The following CABP4 variants were observed in gnomAD, a reference collection of about 807,000 sequenced individuals.
The protein encoded by CABP4 is calcium binding protein 4.
In CABP4, 30 loss-of-function variants were observed where a neutral mutation model predicts 30.7. The observed-to-expected ratio is 0.98, with a 90% CI of 0.73 to 1.33. CABP4 has a LOEUF of 1.33. Among genes scored for constraint, CABP4 ranks in the 40% most tolerant of loss-of-function variants. The pLI is 0.00. For missense variants in CABP4, 424 were observed against 395.5 expected (o/e 1.07, Z -0.61); for synonymous variants, 161 against 159.2 (o/e 1.01, Z -0.08).
intron 1 of CABP4, 184 bp downstream of exon 1, chr11:67,455,973 G>C (rs888054894): frequency 8.6e-7 from 1 of 1,156,270 alleles, no homozygotes; most frequent in Non-Finnish European, 1.2e-6. Context: ...TGGGCGGTGG[G>C]CAGAGCCAGA....
chr11:67,460,509 T>TTA lies in CABP4; in HGVS notation c.*1857_*1858dup, dbSNP rs1554998699. Among the ~76,000 whole-genome samples, 1,346 of 100,068 alleles carry TTA rather than the reference T, an allele frequency of 0.013. 23 individuals carry two copies. The highest frequency in any genetic ancestry group is 0.075 in the African/African-American group (1,240 of 16,498). The allele number at this position is 100,068 out of a possible 152,430, so 65.6% of individuals were successfully genotyped here. ...TTCTGTTAAAAAAATAAAGTATATT[T>TTA]TATATATACACACACACACACACAC... is the stretch of plus-strand genomic sequence containing the variant. On this transcript the variant is annotated 3_prime_UTR_variant, in exon 6 of 6. Coordinates refer to ENST00000325656, the MANE Select transcript of CABP4 (RefSeq NM_145200.5).
chr11:67,455,623 C>G lies in CABP4; in HGVS notation c.200C>G (p.Pro67Arg). ...SSGEQTGPEA[P>R]GSSNNPPSTG... ...GGGGAGCAGACAGGCCCCGAGGCCC[C>G]GGGGAGCAGCAATAACCCTCCCAGC... Residue 67 changes from proline to arginine, a missense_variant, in exon 1 of 6, where the codon CCG becomes CGG. Transcript: ENST00000325656. 2 of 1,608,224 alleles carry G rather than the reference C, an allele frequency of 1.2e-6. No homozygotes were observed. The highest frequency in any genetic ancestry group is 1.7e-6 in the Non-Finnish European group (2 of 1,178,478).
Position 67,459,224 on chromosome 11 carries a change from A to G in CABP4, c.*565A>G, listed in dbSNP as rs1864938387. 6.5e-6 allele frequency: 1 copy of G among 154,580 alleles called. No individual in the cohort carries two copies. The highest frequency in any genetic ancestry group is 2.4e-5 in the African/African-American group (1 of 41,424). The allele number at this position is 154,580 out of a possible 1,614,324, so 9.6% of individuals were successfully genotyped here. ...AGACAAAAAAACAAACAAAAAACCA[A>G]AAAACCCAAGTGTAAAAAAAGTGAG... On this transcript the variant is annotated 3_prime_UTR_variant, in exon 6 of 6. Transcript: ENST00000325656.
intron 4 of CABP4, among the ~76,000 whole-genome samples, chr11:67,457,957 C>T (rs999748243): frequency 1.3e-5 from 2 of 152,084 alleles, no homozygotes; most frequent in African/African-American, 2.4e-5. Context: ...GTACAGGCAG[C>T]GGTAAGAGTG....
At chr11:67,457,798 G>A in intron 4 of CABP4, 116 bp downstream of exon 4, 1 of 817,444 alleles carries the variant, frequency 1.2e-6, no homozygotes, top group Non-Finnish European at 1.9e-6. Flanking sequence ...GTGGGACTGG[G>A]GCCCAGGGAT....
upstream of CABP4, chr11:67,455,304 C>T: frequency 3.6e-6 from 5 of 1,398,752 alleles, no homozygotes; most frequent in Non-Finnish European, 3.8e-6. Context: ...CCTAATCCCC[C>T]TCAGAGCCCG....
At chr11:67,454,565 C>A (rs1027579902), upstream of CABP4, among the ~76,000 whole-genome samples, 1 of 152,204 alleles carries the variant, frequency 6.6e-6, no homozygotes, top group African/African-American at 2.4e-5. Flanking sequence ...GCTGTCCCCC[C>A]GGCCCTCACT....
rs761790186 is a variant in CABP4, at chr11:67,455,527, C to T, written c.104C>T (p.Pro35Leu). The T allele has an allele frequency of 1.9e-6, 3 of 1,603,388 alleles. No homozygotes were observed. The highest frequency in any genetic ancestry group is 2.6e-6 in the Non-Finnish European group (3 of 1,176,218). Reference protein sequence around the residue: ...VVTPKSDAEEPPLTRKRSKKE... With the variant: ...VVTPKSDAEELPLTRKRSKKE... Reference sequence around the variant, plus strand: ...ACTCCCAAGAGTGATGCAGAGGAGCCCCCGTTGACCAGGAAGAGGAGCAAG... The same window carrying T: ...ACTCCCAAGAGTGATGCAGAGGAGCTCCCGTTGACCAGGAAGAGGAGCAAG... Residue 35 changes from proline (P) to leucine (L), a missense_variant, in exon 1 of 6, where the codon CCC becomes CTC. Pro to Leu is a moderately conservative substitution (Grantham distance 98). Coordinates refer to ENST00000325656, the MANE Select transcript of CABP4 (RefSeq NM_145200.5).
At position 67,455,655 on chromosome 11, in the gene CABP4, G is replaced by A. The variant is rs768425989; in HGVS notation, c.232G>A (p.Glu78Lys). 3 of 1,610,352 alleles carry A rather than the reference G, an allele frequency of 1.9e-6. No homozygotes were observed. The highest frequency in any genetic ancestry group is 1.7e-6 in the Non-Finnish European group (2 of 1,179,364). ...GSSNNPPSTG[E>K]GPAGAPPASP... ...CAGCAATAACCCTCCCAGCACTGGA[G>A]AGGGGCCGGCGGGCGCACCCCCTGC... Residue 78 changes from glutamate (E) to lysine (K), a missense_variant, in exon 1 of 6, where the codon GAG becomes AAG. Glu to Lys is a moderately conservative substitution (Grantham distance 56, BLOSUM62 1). Coordinates refer to ENST00000325656, the MANE Select transcript of CABP4 (RefSeq NM_145200.5).
rs886048566 is a variant in CABP4, at chr11:67,460,486, C to T, written c.*1827C>T. ...AAAAGAAAAAAACAAACCATGGCTTCTGTTAAAAAAATAAAGTATATTTTA... is the reference window on the plus strand; with the variant it reads ...AAAAGAAAAAAACAAACCATGGCTTTTGTTAAAAAAATAAAGTATATTTTA... On this transcript the variant is annotated 3_prime_UTR_variant, in exon 6 of 6. Transcript: ENST00000325656. Among the ~76,000 whole-genome samples, 2 of 149,298 alleles carry T rather than the reference C, an allele frequency of 1.3e-5. No homozygotes were observed. Among genetic ancestry groups the T allele is most frequent in the Non-Finnish European group, 3.0e-5 (2 of 67,456 alleles).
intron 3 of CABP4, among the ~76,000 whole-genome samples, chr11:67,457,243 C>G (rs748854057): frequency 2.0e-5 from 3 of 152,172 alleles, no homozygotes; most frequent in African/African-American, 7.2e-5. Context: ...AGGCTCCTCA[C>G]CCTGCTCCTA....
Position 67,458,731 on chromosome 11 carries a change from C to T in CABP4, c.*72C>T, listed in dbSNP as rs1481119889. On this transcript the variant is annotated 3_prime_UTR_variant, in exon 6 of 6. Transcript: ENST00000325656. ...CCAGACCCAGGCTGCAGGCCTCCCC[C>T]AGGAGCCTCCAGGATGGAGATGGAG... The T allele has an allele frequency of 5.1e-6, 8 of 1,575,726 alleles. No homozygotes were observed. Among genetic ancestry groups the T allele is most frequent in the African/African-American group, 1.3e-5 (1 of 74,146 alleles).
At chr11:67,455,341 G>C, upstream of CABP4, 1 of 1,510,042 alleles carries the variant, frequency 6.6e-7, no homozygotes, top group South Asian at 1.3e-5. Flanking sequence ...TCTAAGAGTG[G>C]GGGTGCATAA....
rs540383372 is a variant in CABP4, at chr11:67,457,298, C to A, written c.542-275C>A. Among the ~76,000 whole-genome samples the A allele has an allele frequency of 5.9e-5, 9 of 152,300 alleles. No individual in the cohort carries two copies. In the South Asian group the frequency reaches 1.9e-3, roughly 32 times the overall value. On this transcript the variant is annotated intron_variant, in intron 3 of 5. Transcript: ENST00000325656. Reference sequence around the variant, plus strand: ...GTAAGTCAGCCAATGCCACGCACATCAGCAGCAGGGCCAAGATTTGAACCG... The same window carrying A: ...GTAAGTCAGCCAATGCCACGCACATAAGCAGCAGGGCCAAGATTTGAACCG...
At chr11:67,452,645 G>T (rs1255016718), upstream of CABP4, 7 of 1,613,170 alleles carry the variant, frequency 4.3e-6, no homozygotes, top group Non-Finnish European at 5.9e-6. Context: ...GCCACCTTGG[G>T]GGTAGGAGTC....
upstream of CABP4, among the ~76,000 whole-genome samples, chr11:67,455,101 G>A (rs1263256654): frequency 6.6e-6 from 1 of 152,218 alleles, no homozygotes; most frequent in Non-Finnish European, 1.5e-5. Context: ...GGGAAACTGA[G>A]GCTGGGAGGG....
At position 67,455,600 on chromosome 11, in the gene CABP4, G is replaced by T. The variant is rs2135172674; in HGVS notation, c.177G>T (p.Gly59=). The T allele has an allele frequency of 2.5e-6, 4 of 1,606,648 alleles. No homozygotes were observed. Among genetic ancestry groups the T allele is most frequent in the Non-Finnish European group, 3.4e-6 (4 of 1,177,784 alleles). ...RGSRKRTGSS[G]EQTGPEAPGS... The stretch of plus-strand genomic sequence containing the variant: ...CTCGAAAGCGCACTGGCAGCTCTGG[G>T]GAGCAGACAGGCCCCGAGGCCCCGG... Residue 59 remains glycine (G), a synonymous_variant, in exon 1 of 6, where the codon GGG becomes GGT. Transcript: ENST00000325656.
upstream of CABP4, chr11:67,452,723 AT>A: frequency 6.4e-7 from 1 of 1,555,014 alleles, no homozygotes. Context: ...GGTAGTGTCC[AT>A]TTGGGGTCCC....
rs1291641601 is a variant in CABP4, at chr11:67,460,069, G to A, written c.*1410G>A. On this transcript the variant is annotated 3_prime_UTR_variant, in exon 6 of 6. Transcript: ENST00000325656. ...GTGTACATAATACAGCCGCCTAAGAGACCACAAGATACATGCAAATAAAAG... is the reference window on the plus strand; with the variant it reads ...GTGTACATAATACAGCCGCCTAAGAAACCACAAGATACATGCAAATAAAAG... 6.6e-6 allele frequency: 1 copy of A among 152,236 alleles called. No individual in the cohort carries two copies. Among genetic ancestry groups the A allele is most frequent in the Non-Finnish European group, 1.5e-5 (1 of 68,050 alleles). 9.4% of individuals were successfully genotyped at this position (152,236 alleles called of 1,614,324 possible).
Sources: gnomAD v4.1 joint callset for allele counts (sites outside exome capture counted in the v4.1 genomes callset) on GRCh38, gnomAD v4.1.1 for gene constraint, MANE v1.5 for transcripts, NCBI Gene and HGNC (gene_info 2026-07-23, HGNC 2026-07-21) for gene names.